Variants in GAS7 observed in about 807,000 individuals in gnomAD.
The protein encoded by GAS7 is growth arrest-specific protein 7.
A neutral mutation model predicts 71.1 loss-of-function variants in GAS7; 28 were observed. The observed-to-expected ratio is 0.39, with a 90% confidence interval of 0.29 to 0.54. The LOEUF (loss-of-function observed/expected upper bound fraction) is 0.54. Among genes scored for constraint, GAS7 ranks in the 20% least tolerant of loss-of-function variants. GAS7 has a pLI of 0.62. For missense variants in GAS7, 436 were observed against 627.8 expected (o/e 0.69, Z 3.27); for synonymous variants, 258 against 245.8 (o/e 1.05, Z -0.46).
chr17:10,036,048 G>GT (rs1401101374), intron 1 of GAS7, among the ~76,000 whole-genome samples: 6 of 152,160 alleles, frequency 3.9e-5, no homozygotes, highest in Non-Finnish European at 8.8e-5. Flanking sequence ...AGGAAGCAAG[G>GT]TTTGGACTCC....
At position 10,159,018 on chromosome 17, in the gene GAS7, C is replaced by T. The variant is rs150090349; in HGVS notation, c.183+39190G>A. On this transcript the variant is annotated intron_variant, in intron 1 of 13. Transcript: ENST00000432992. The stretch of plus-strand genomic sequence containing the variant: ...GAGGCTGCAGTGAGCCAAGATCACA[C>T]CACTGCACTCCAGCGTGGACAACAG... Among the ~76,000 whole-genome samples, 121 of 136,078 alleles carry T rather than the reference C, an allele frequency of 8.9e-4. 7 individuals are homozygous for T. The highest frequency in any genetic ancestry group is 8.1e-3 in the Admixed American group (103 of 12,664). 89.3% of individuals were successfully genotyped at this position (136,078 alleles called of 152,430 possible).
chr17:10,176,961 C>G (rs151274772), intron 1 of GAS7, among the ~76,000 whole-genome samples: 1 of 152,332 alleles, frequency 6.6e-6, no homozygotes, highest in Non-Finnish European at 1.5e-5. Context: ...TCATCAAATA[C>G]TTACTGAGCC....
At chr17:10,112,449 A>C (rs2073822349) in intron 1 of GAS7, among the ~76,000 whole-genome samples, 1 of 152,126 alleles carries the variant, frequency 6.6e-6, no homozygotes, top group Admixed American at 6.5e-5. Flanking sequence ...TAGAAAATGG[A>C]GTCTAGCCGG....
At chr17:10,143,685 C>T (rs1470936400) in intron 1 of GAS7, among the ~76,000 whole-genome samples, 3 of 152,130 alleles carry the variant, frequency 2.0e-5, no homozygotes, top group African/African-American at 7.2e-5. Context: ...GGGAGGACCA[C>T]GTGAGGACAC....
intron 2 of GAS7, among the ~76,000 whole-genome samples, chr17:10,001,969 G>C (rs2071283324): frequency 6.6e-6 from 1 of 152,094 alleles, no homozygotes; most frequent in African/African-American, 2.4e-5. Context: ...TGAACCTCAT[G>C]CCGGGTATTG....
chr17:10,133,512 A>G (rs1410109006), intron 1 of GAS7, among the ~76,000 whole-genome samples: 1 of 152,212 alleles, frequency 6.6e-6, no homozygotes, highest in Non-Finnish European at 1.5e-5. Flanking sequence ...GAGTGGCTCA[A>G]CTGAGCTCAT....
At chr17:9,960,762 G>A (rs1256114653) in intron 4 of GAS7, among the ~76,000 whole-genome samples, 2 of 152,226 alleles carry the variant, frequency 1.3e-5, no homozygotes, top group African/African-American at 4.8e-5. Flanking sequence ...CTCCCATACA[G>A]TCTTACTTGG....
At chr17:9,988,529 C>G (rs557283441) in intron 2 of GAS7, among the ~76,000 whole-genome samples, 68 of 152,292 alleles carry the variant, frequency 4.5e-4, no homozygotes, top group African/African-American at 1.6e-3. Context: ...TTTTTCAATG[C>G]CTTCCAGTAC....
At chr17:9,921,367 G>T (rs1439045361) in intron 11 of GAS7, among the ~76,000 whole-genome samples, 5 of 151,932 alleles carry the variant, frequency 3.3e-5, no homozygotes, top group African/African-American at 1.2e-4. Flanking sequence ...ATATCGGCCA[G>T]GCTAGTCTCG....
rs138962780 is a variant in GAS7 at position 9,915,662 on chromosome 17, C to T, written c.*1566G>A. 3.9e-4 allele frequency: 90 copies of T among 229,232 alleles called. No individual in the cohort carries two copies. Among genetic ancestry groups the T allele is most frequent in the Non-Finnish European group, 6.1e-4 (71 of 115,532 alleles). The allele number at this position is 229,232 out of a possible 1,614,324, so 14.2% of individuals were successfully genotyped here. ...ATTAATAAGTCATCGGTTTCTAGCA[C>T]GTTGACTGAAAGACCAGTGAGTTGT... is the stretch of plus-strand genomic sequence containing the variant. On this transcript the variant is annotated 3_prime_UTR_variant, in exon 14 of 14. Transcript: ENST00000432992.
At chr17:10,060,044 C>T (rs1234658379) in intron 1 of GAS7, among the ~76,000 whole-genome samples, 1 of 152,228 alleles carries the variant, frequency 6.6e-6, no homozygotes, top group Non-Finnish European at 1.5e-5. Flanking sequence ...ACTCTGCTTT[C>T]AGCAGCAGCC....
intron 1 of GAS7, among the ~76,000 whole-genome samples, chr17:10,142,256 A>G (rs909869401): frequency 5.3e-5 from 8 of 152,110 alleles, no homozygotes; most frequent in African/African-American, 1.9e-4. Context: ...AGTTACAAAG[A>G]TAACTACCAG....
intron 1 of GAS7, chr17:10,059,926 G>T: frequency 2.1e-6 from 1 of 479,994 alleles, no homozygotes; most frequent in Non-Finnish European, 2.7e-6. Flanking sequence ...GGGAAAGCAT[G>T]TCCACAGCCT....
intron 1 of GAS7, among the ~76,000 whole-genome samples, chr17:10,114,056 A>G (rs1187322706): frequency 1.3e-5 from 2 of 152,052 alleles, no homozygotes; most frequent in African/African-American, 4.8e-5. Context: ...CTGGGGCTAC[A>G]GGCATGCACC....
rs1214089681 is a variant in GAS7, at chr17:9,994,442, AT to A, written c.305-12559del. ...ACAAGCATTGGGGAAAGGATTCCCT[AT>A]TTAATAAATGGTGCTGGGAAAACTG... On this transcript the variant is annotated intron_variant, in intron 2 of 13. Transcript: ENST00000432992. 2.2e-3 allele frequency among the ~76,000 whole-genome samples: 316 copies of A among 144,900 alleles called. 1 individual carries two copies. Among genetic ancestry groups the A allele is most frequent in the African/African-American group, 7.8e-3 (298 of 38,346 alleles).
intron 1 of GAS7, among the ~76,000 whole-genome samples, chr17:10,091,637 C>T (rs555493246): frequency 2.0e-5 from 3 of 152,190 alleles, no homozygotes; most frequent in African/African-American, 7.2e-5. Flanking sequence ...CTGCCTGCCT[C>T]GGTCTCCCAA....
intron 1 of GAS7, among the ~76,000 whole-genome samples, chr17:10,072,743 A>G (rs577602955): frequency 3.9e-5 from 6 of 152,300 alleles, no homozygotes; most frequent in Non-Finnish European, 8.8e-5. Flanking sequence ...GCTTGCCAGC[A>G]CCGTTTCCGA....
chr17:9,917,941 G>C, intron 13 of GAS7, 60 bp downstream of exon 13: 1 of 1,222,198 alleles, frequency 8.2e-7, no homozygotes, highest in Non-Finnish European at 1.2e-6. Context: ...ACGGCCTAGC[G>C]CCAGGCGGCT....
At position 10,130,523 on chromosome 17, in the gene GAS7, T is replaced by C. The variant is rs1003019469; in HGVS notation, c.183+67685A>G. 3.3e-5 allele frequency among the ~76,000 whole-genome samples: 5 copies of C among 152,114 alleles called. No individual in the cohort carries two copies. In the South Asian group the frequency reaches 6.2e-4, roughly 19 times the overall value. On this transcript the variant is annotated intron_variant, in intron 1 of 13. Transcript: ENST00000432992. ...TACATCCAAGAAAATTAAAAACACA[T>C]GTCCACCCAAAAACATGTACACAAA...
Sources: allele counts gnomAD v4.1 joint callset (sites outside exome capture counted in the v4.1 genomes callset), GRCh38; gene constraint gnomAD v4.1.1; transcripts MANE v1.5; gene names NCBI Gene and HGNC (gene_info 2026-07-23, HGNC 2026-07-21).